Variants in SLC4A8 observed in about 807,000 individuals in gnomAD.
The protein encoded by SLC4A8 is solute carrier family 4 member 8, also known as electroneutral sodium bicarbonate exchanger 1.
Under a neutral mutation model 125.0 loss-of-function variants are expected in SLC4A8, and 40 were observed. The ratio of observed to expected loss-of-function variants is 0.32; its 90% CI spans 0.25 to 0.42. The LOEUF is 0.42. Among genes scored for constraint, SLC4A8 ranks in the 10% least tolerant of loss-of-function variants. The pLI, the probability that SLC4A8 is intolerant of heterozygous loss-of-function variation, is 1.00. For synonymous variants in SLC4A8, 456 were observed against 476.0 expected (o/e 0.96, Z 0.55); for missense variants, 863 against 1,355.1 (o/e 0.64, Z 5.70).
chr12:51,447,966 G>A (rs140503804), intron 2 of SLC4A8, among the ~76,000 whole-genome samples: 1,785 of 152,160 alleles, frequency 0.012, 34 homozygotes, highest in African/African-American at 0.04. Flanking sequence ...TGATCCGCCT[G>A]CCTCGGCCTC....
intron 1 of SLC4A8, among the ~76,000 whole-genome samples, chr12:51,397,910 G>C (rs745582551): frequency 3.9e-5 from 6 of 151,922 alleles, no homozygotes; most frequent in Non-Finnish European, 8.8e-5. Flanking sequence ...TCTATAAAAA[G>C]TACAAAAATT....
intron 14 of SLC4A8, among the ~76,000 whole-genome samples, chr12:51,474,092 A>G (rs764422426): frequency 2.0e-5 from 3 of 152,206 alleles, no homozygotes; most frequent in Non-Finnish European, 4.4e-5. Context: ...TGGGCACATC[A>G]GATGCCAAAT....
intron 13 of SLC4A8, 28 bp from the exon 14 acceptor site, chr12:51,471,259 G>A (rs560606051): frequency 1.0e-5 from 16 of 1,600,486 alleles, no homozygotes; most frequent in East Asian, 6.7e-5. Context: ...CCATCCATGC[G>A]TTCTGATGAA....
intron 20 of SLC4A8, chr12:51,494,413 C>CTTTTTTTTT (rs11363276): frequency 5.3e-5 from 7 of 132,972 alleles, no homozygotes; most frequent in East Asian, 2.1e-4. Context: ...TCTTTTTTTT[C>CTTTTTTTTT]TTTTTTTTTT....
At chr12:51,451,388 C>T (rs543615406) in intron 3 of SLC4A8, among the ~76,000 whole-genome samples, 28 of 152,174 alleles carry the variant, frequency 1.8e-4, no homozygotes, top group African/African-American at 5.8e-4. Flanking sequence ...GGATTGCAGG[C>T]GTGAGCCACC....
chr12:51,399,578 A>G (rs1948331045), intron 1 of SLC4A8, among the ~76,000 whole-genome samples: 1 of 152,178 alleles, frequency 6.6e-6, no homozygotes, highest in Non-Finnish European at 1.5e-5. Context: ...TTGATTTTCT[A>G]GGTAGACGGA....
chr12:51,453,910 G>T (rs1230362267), intron 5 of SLC4A8, among the ~76,000 whole-genome samples: 2 of 152,210 alleles, frequency 1.3e-5, no homozygotes, highest in African/African-American at 2.4e-5. Context: ...GTATTCAAAT[G>T]ACATGGTGTT....
chr12:51,439,631 T>G (rs1427130753), intron 1 of SLC4A8, among the ~76,000 whole-genome samples: 3 of 149,596 alleles, frequency 2.0e-5, no homozygotes, highest in Non-Finnish European at 4.4e-5. Context: ...AAGAAAGAAA[T>G]GCCTAATATG....
At chr12:51,505,996 T>G in intron 24 of SLC4A8, 66 bp downstream of exon 24, 1 of 750,718 alleles carries the variant, frequency 1.3e-6, no homozygotes. Flanking sequence ...ATATTGAAGG[T>G]AAAATGTGTT....
chr12:51,494,961 A>G lies in SLC4A8; in HGVS notation c.2786A>G (p.Lys929Arg). 1 of 1,614,030 alleles carries G rather than the reference A, an allele frequency of 6.2e-7. No homozygotes were observed. The highest frequency in any genetic ancestry group is 8.5e-7 in the Non-Finnish European group (1 of 1,179,958). Residue 929 changes from lysine to arginine, a missense_variant, in exon 21 of 25, where the codon AAG (lysine) becomes AGG (arginine). Lys to Arg is a conservative substitution (Grantham distance 26). Around this residue, in one of 6 missense-constraint regions of SLC4A8, gnomAD observed 197 missense variants for 377.7 expected, o/e 0.52. Transcript: ENST00000453097. ...LQGIQFFDRL[K>R]LFGMPAKHQP... ...TCCTTTCAGTTCTTTGATCGTCTAA[A>G]GCTCTTTGGGATGCCCGCAAAGCAC...
chr12:51,419,676 T>C (rs1213178270), intron 1 of SLC4A8, among the ~76,000 whole-genome samples: 1 of 152,236 alleles, frequency 6.6e-6, no homozygotes, highest in Admixed American at 6.5e-5. Context: ...TTTTCTGTTT[T>C]GTTCTGCTCC....
chr12:51,429,045 G>T (rs746067349), intron 1 of SLC4A8, among the ~76,000 whole-genome samples: 5 of 152,082 alleles, frequency 3.3e-5, no homozygotes, highest in Non-Finnish European at 5.9e-5. Context: ...GAGTAGCTGG[G>T]ATTACAGGCG....
chr12:51,435,748 G>C lies in SLC4A8; in HGVS notation c.49-4960G>C, dbSNP rs571490947. Among the ~76,000 whole-genome samples the C allele has an allele frequency of 2.0e-5, 3 of 152,206 alleles. No homozygotes were observed. The South Asian group carries it at 6.2e-4, about 32-fold the overall frequency. On this transcript the variant is annotated intron_variant, in intron 1 of 24. Coordinates refer to ENST00000453097, the MANE Select transcript of SLC4A8 (RefSeq NM_001039960.3). ...CTCAAATTGTCCTATTTTTTGGCAA[G>C]AGACCCCTTTAAATTGGCTCCTGAG... is the stretch of plus-strand genomic sequence containing the variant.
intron 1 of SLC4A8, 36 bp downstream of exon 1, chr12:51,425,071 C>A (rs368164823): frequency 1.9e-6 from 3 of 1,541,104 alleles, no homozygotes; most frequent in African/African-American, 2.8e-5. Flanking sequence ...CGCTCCTCCC[C>A]GGGGCGCAGC....
At chr12:51,401,886 C>G (rs1948400864) in intron 1 of SLC4A8, among the ~76,000 whole-genome samples, 1 of 152,104 alleles carries the variant, frequency 6.6e-6, no homozygotes, top group African/African-American at 2.4e-5. Flanking sequence ...CACCTCAGCC[C>G]CCTGAGTAGC....
At chr12:51,488,487 G>C (rs1460932110) in intron 17 of SLC4A8, among the ~76,000 whole-genome samples, 1 of 151,246 alleles carries the variant, frequency 6.6e-6, no homozygotes, top group African/African-American at 2.4e-5. Context: ...AAGAATTTCT[G>C]TTAGTCATTG....
intron 2 of SLC4A8, among the ~76,000 whole-genome samples, chr12:51,448,621 C>T (rs1168349307): frequency 6.6e-6 from 1 of 152,140 alleles, no homozygotes; most frequent in Non-Finnish European, 1.5e-5. Flanking sequence ...GCAAGTGAAC[C>T]AGGGGAGGGC....
rs1938291405 is a variant in SLC4A8, at chr12:51,509,563, C to T, written c.*2125C>T. The T allele has an allele frequency of 6.6e-6, 1 of 152,212 alleles. No individual in the cohort carries two copies. Among genetic ancestry groups the T allele is most frequent in the African/African-American group, 2.4e-5 (1 of 41,406 alleles). The allele number at this position is 152,212 out of a possible 1,614,324, so 9.4% of individuals were successfully genotyped here. A position where few individuals can be genotyped will look rare whatever the true frequency, so the allele number is the denominator to read the frequency against. On this transcript the variant is annotated 3_prime_UTR_variant, in exon 25 of 25. Transcript: ENST00000453097. ...TCTTGCCCCTCCCATCTTTTCCTGC[C>T]ACCTCTGTGTGGGGAGGTTGATGAC...
intron 1 of SLC4A8, among the ~76,000 whole-genome samples, chr12:51,400,779 CATACAT>C (rs755218213): frequency 0.56 from 12,955 of 23,222 alleles, 3,221 homozygotes; most frequent in Non-Finnish European, 0.59. Context: ...TATATATATA[CATACAT>C]ACACACACAC....
Sources: allele counts gnomAD v4.1 joint callset (sites outside exome capture counted in the v4.1 genomes callset), GRCh38; gene constraint gnomAD v4.1.1; regional missense constraint gnomAD v4.1.1; transcripts MANE v1.5; gene names NCBI Gene and HGNC (gene_info 2026-07-23, HGNC 2026-07-21).